The following RABGAP1L variants were observed in gnomAD, a reference collection of about 807,000 sequenced individuals.
RABGAP1L encodes RAB GTPase activating protein 1 like.
Under a neutral mutation model 137.7 loss-of-function variants are expected in RABGAP1L, and 63 were observed. The observed-to-expected ratio is 0.46, with a 90% confidence interval of 0.37 to 0.56. The LOEUF (loss-of-function observed/expected upper bound fraction) is 0.56, where lower values mean the gene tolerates loss of function less well. Among genes scored for constraint, RABGAP1L ranks in the 20% least tolerant of loss-of-function variants. RABGAP1L has a pLI of 0.00. For missense variants in RABGAP1L, 1,095 were observed against 1,244.0 expected (o/e 0.88, Z 1.80); for synonymous variants, 431 against 433.7 (o/e 0.99, Z 0.08).
At chr1:174,417,639 G>A (rs1017940612) in intron 13 of RABGAP1L, among the ~76,000 whole-genome samples, 13 of 151,990 alleles carry the variant, frequency 8.6e-5, no homozygotes, top group Non-Finnish European at 1.8e-4. Context: ...TTAAACTTTG[G>A]GTATATGGAT....
intron 13 of RABGAP1L, among the ~76,000 whole-genome samples, chr1:174,518,561 A>C (rs1341718053): frequency 6.6e-6 from 1 of 152,096 alleles, no homozygotes; most frequent in Non-Finnish European, 1.5e-5. Context: ...TGCAGAACCT[A>C]TGGATTGGAG....
intron 13 of RABGAP1L, among the ~76,000 whole-genome samples, chr1:174,522,129 A>G (rs1049976803): frequency 6.6e-6 from 1 of 152,076 alleles, no homozygotes; most frequent in Non-Finnish European, 1.5e-5. Flanking sequence ...CTCCTCATAC[A>G]GCTAGGCCGT....
At chr1:174,782,260 TCTC>T (rs1392370882) in intron 18 of RABGAP1L, among the ~76,000 whole-genome samples, 1 of 152,164 alleles carries the variant, frequency 6.6e-6, no homozygotes, top group African/African-American at 2.4e-5. Context: ...GGTTTGCAGT[TCTC>T]CTTGAAGAGG....
At chr1:174,393,827 T>C (rs10912778) in intron 12 of RABGAP1L, among the ~76,000 whole-genome samples, 168 bp from the exon 13 acceptor site, 53,572 of 152,064 alleles carry the variant, frequency 0.35, 12,092 homozygotes, top group African/African-American at 0.64. Flanking sequence ...AATAAAAAAA[T>C]TGAAGATATA....
intron 10 of RABGAP1L, among the ~76,000 whole-genome samples, chr1:174,284,263 C>A (rs1675854866): frequency 6.6e-6 from 1 of 152,152 alleles, no homozygotes; most frequent in Admixed American, 6.5e-5. Context: ...CCCCAAACCC[C>A]ATCTCCTGGC....
At chr1:174,273,647 A>G (rs778884744) in intron 8 of RABGAP1L, among the ~76,000 whole-genome samples, 35 of 152,018 alleles carry the variant, frequency 2.3e-4, no homozygotes, top group Non-Finnish European at 4.3e-4. Flanking sequence ...GAGGAAGTAA[A>G]TTAGGAGGAT....
intron 17 of RABGAP1L, among the ~76,000 whole-genome samples, chr1:174,726,337 G>C (rs73026458): frequency 2.0e-5 from 3 of 151,926 alleles, no homozygotes; most frequent in South Asian, 4.2e-4. Flanking sequence ...AAAGTCCTGG[G>C]TTTATGCAAT....
chr1:174,352,345 G>A (rs1683271907), intron 11 of RABGAP1L, among the ~76,000 whole-genome samples: 1 of 151,526 alleles, frequency 6.6e-6, no homozygotes, highest in South Asian at 2.1e-4. Context: ...ATCAATTCTG[G>A]TGTTGAAAGA....
At chr1:174,613,652 TG>T (rs1476686197) in intron 13 of RABGAP1L, among the ~76,000 whole-genome samples, 2 of 152,130 alleles carry the variant, frequency 1.3e-5, no homozygotes, top group African/African-American at 4.8e-5. Context: ...ATGTTGACAG[TG>T]GGGTGTTAAA....
chr1:174,848,711 G>T (rs1366523669), intron 19 of RABGAP1L, among the ~76,000 whole-genome samples: 1 of 146,386 alleles, frequency 6.8e-6, no homozygotes, highest in East Asian at 2.0e-4. Flanking sequence ...CAGAGGTGGA[G>T]CCTACAGAGG....
chr1:174,398,637 A>G (rs1055582474), intron 13 of RABGAP1L, among the ~76,000 whole-genome samples: 7 of 152,204 alleles, frequency 4.6e-5, no homozygotes, highest in African/African-American at 1.4e-4. Flanking sequence ...CTTAAGCACC[A>G]AACAACAACT....
chr1:174,365,696 G>A (rs938894790), intron 11 of RABGAP1L, among the ~76,000 whole-genome samples: 10 of 152,136 alleles, frequency 6.6e-5, no homozygotes, highest in Non-Finnish European at 1.2e-4. Flanking sequence ...TGCACCACAC[G>A]GTGGCTGCTG....
intron 13 of RABGAP1L, among the ~76,000 whole-genome samples, chr1:174,633,370 A>G (rs1234454709): frequency 7.4e-5 from 11 of 149,124 alleles, no homozygotes; most frequent in Non-Finnish European, 1.0e-4. Flanking sequence ...ACCACTGCTC[A>G]AGGAAATAAA....
intron 11 of RABGAP1L, among the ~76,000 whole-genome samples, chr1:174,350,055 C>T (rs1682966084): frequency 7.5e-6 from 1 of 133,482 alleles, no homozygotes; most frequent in African/African-American, 2.8e-5. Context: ...GCGCCCCTCA[C>T]CTCCCGGACG....
chr1:174,496,303 C>A (rs1660728203), intron 13 of RABGAP1L, among the ~76,000 whole-genome samples: 1 of 152,076 alleles, frequency 6.6e-6, no homozygotes, highest in South Asian at 2.1e-4. Flanking sequence ...CCCTGTATAC[C>A]TTTTCAGGAG....
At position 174,804,274 on chromosome 1, in the gene RABGAP1L, G is replaced by GTTTTTTGTTT. The variant is rs1553254974; in HGVS notation, c.2212-7551_2212-7542dup. Among the ~76,000 whole-genome samples, 4 of 138,198 alleles carry GTTTTTTGTTT rather than the reference G, an allele frequency of 2.9e-5. No individual in the cohort carries two copies. In the Admixed American group the frequency reaches 3.0e-4, roughly 10 times the overall value. 90.7% of individuals were successfully genotyped at this position (138,198 alleles called of 152,430 possible). ...TTTTTTGTTTGTTTTGTTTTGTTTT[G>GTTTTTTGTTT]TTTTTTGTTTTTTTTTTTGAGATAG... On this transcript the variant is annotated intron_variant, in intron 18 of 25. Coordinates refer to ENST00000681986, the MANE Select transcript of RABGAP1L (RefSeq NM_001366446.1).
intron 19 of RABGAP1L, among the ~76,000 whole-genome samples, chr1:174,812,774 AG>A (rs771637146): frequency 2.6e-4 from 40 of 152,282 alleles, no homozygotes; most frequent in Non-Finnish European, 4.9e-4. Flanking sequence ...AGGTTGGATT[AG>A]TGGGGGAGCA....
At chr1:174,270,084 A>T (rs917662991) in intron 7 of RABGAP1L, among the ~76,000 whole-genome samples, 2 of 152,136 alleles carry the variant, frequency 1.3e-5, no homozygotes, top group Non-Finnish European at 2.9e-5. Context: ...ATAATTATGT[A>T]ATTTAAGTGC....
At chr1:174,741,483 C>A (rs928144466) in intron 17 of RABGAP1L, among the ~76,000 whole-genome samples, 1 of 152,100 alleles carries the variant, frequency 6.6e-6, no homozygotes, top group African/African-American at 2.4e-5. Flanking sequence ...CTGCCTCACC[C>A]TCCCAAGTAG....
Sources: allele counts gnomAD v4.1 joint callset (sites outside exome capture counted in the v4.1 genomes callset), GRCh38; gene constraint gnomAD v4.1.1; transcripts MANE v1.5; gene names NCBI Gene and HGNC (gene_info 2026-07-23, HGNC 2026-07-21).